The following LMTK2 variants were observed in gnomAD, a reference collection of about 807,000 sequenced individuals.
LMTK2 encodes serine/threonine-protein kinase LMTK2.
In LMTK2, 37 loss-of-function variants were observed where a neutral mutation model predicts 127.5. The observed-to-expected ratio is 0.29, with a 90% confidence interval of 0.22 to 0.38. The LOEUF (loss-of-function observed/expected upper bound fraction) is 0.38. Among genes scored for constraint, LMTK2 ranks in the 10% least tolerant of loss-of-function variants. LMTK2 has a pLI of 1.00. For synonymous variants in LMTK2, 819 were observed against 810.1 expected (o/e 1.01, Z -0.19); for missense variants, 1,694 against 1,920.3 (o/e 0.88, Z 2.20).
intron 7 of LMTK2, among the ~76,000 whole-genome samples, chr7:98,174,123 GAAA>G (rs1797240761): frequency 7.4e-6 from 1 of 134,986 alleles, no homozygotes; most frequent in South Asian, 2.3e-4. Flanking sequence ...AAAAAAAAAA[GAAA>G]AAGTAATCAT....
At chr7:98,146,386 TTTTTATTTTA>T (rs58095775) in intron 3 of LMTK2, among the ~76,000 whole-genome samples, 17 of 151,782 alleles carry the variant, frequency 1.1e-4, no homozygotes, top group African/African-American at 3.4e-4. Context: ...TCTGATAGTT[TTTTTATTTTA>T]TTTTATTTTA....
chr7:98,129,162 G>T (rs932353465), intron 1 of LMTK2, among the ~76,000 whole-genome samples: 1 of 152,058 alleles, frequency 6.6e-6, no homozygotes, highest in African/African-American at 2.4e-5. Flanking sequence ...GCACACCACT[G>T]CAGCCTTAAC....
intron 1 of LMTK2, among the ~76,000 whole-genome samples, chr7:98,109,910 T>C (rs573238970): frequency 2.6e-4 from 39 of 152,218 alleles, no homozygotes; most frequent in African/African-American, 9.2e-4. Context: ...TAATCCTGAC[T>C]AGTGAGCTCG....
At chr7:98,185,438 GTTA>G (rs1366294427) in intron 8 of LMTK2, among the ~76,000 whole-genome samples, 1 of 152,162 alleles carries the variant, frequency 6.6e-6, no homozygotes, top group East Asian at 1.9e-4. Flanking sequence ...AGCAACAGTA[GTTA>G]TTATTACCTG....
intron 1 of LMTK2, among the ~76,000 whole-genome samples, chr7:98,116,223 C>A (rs2116322086): frequency 6.6e-6 from 1 of 152,280 alleles, no homozygotes; most frequent in East Asian, 1.9e-4. Flanking sequence ...TGTCTCTTTA[C>A]CTAGTTTGCA....
chr7:98,162,043 C>T (rs922082773), intron 6 of LMTK2, among the ~76,000 whole-genome samples: 2 of 152,158 alleles, frequency 1.3e-5, no homozygotes, highest in African/African-American at 4.8e-5. Context: ...CTTCTGCATG[C>T]GTTCTTGAAA....
chr7:98,199,996 CG>C (rs1412429875), intron 11 of LMTK2, among the ~76,000 whole-genome samples: 1 of 152,106 alleles, frequency 6.6e-6, no homozygotes, highest in Admixed American at 6.6e-5. Flanking sequence ...TTTGGATTTA[CG>C]TATACCATTT....
intron 1 of LMTK2, among the ~76,000 whole-genome samples, chr7:98,115,976 C>T (rs1289834912): frequency 6.6e-6 from 1 of 152,150 alleles, no homozygotes; most frequent in African/African-American, 2.4e-5. Flanking sequence ...TCCCTGAACT[C>T]CTAGGCTCAA....
intron 5 of LMTK2, among the ~76,000 whole-genome samples, chr7:98,157,900 T>C (rs2116398848): frequency 6.6e-6 from 1 of 152,276 alleles, no homozygotes; most frequent in East Asian, 1.9e-4. Flanking sequence ...GTTACACACA[T>C]CTGTGCACGT....
intron 1 of LMTK2, among the ~76,000 whole-genome samples, chr7:98,114,434 G>A (rs1796248306): frequency 6.6e-6 from 1 of 151,820 alleles, no homozygotes; most frequent in Non-Finnish European, 1.5e-5. Context: ...CTATAGAGAT[G>A]GGATCTCACT....
intron 11 of LMTK2, among the ~76,000 whole-genome samples, chr7:98,203,122 T>C (rs772822123): frequency 5.9e-5 from 9 of 152,194 alleles, no homozygotes; most frequent in South Asian, 2.1e-4. Flanking sequence ...AAAGCTGGAA[T>C]TCCCCCTTCT....
chr7:98,137,539 AT>A, intron 2 of LMTK2, 97 bp downstream of exon 2: 7 of 1,220,882 alleles, frequency 5.7e-6, no homozygotes, highest in African/African-American at 1.5e-5. Context: ...GGATCAGCAG[AT>A]TTTTTTTCTT....
In LMTK2 at chr7:98,208,325, A is replaced by G. The variant is rs925416066; in HGVS notation, c.*2833A>G. On this transcript the variant is annotated 3_prime_UTR_variant, in exon 14 of 14. Coordinates refer to ENST00000297293, the MANE Select transcript of LMTK2 (RefSeq NM_014916.4). Reference sequence around the variant, plus strand: ...AGCAATACACAGGAAATTTAAGTAGAATAAAAATTGCAGCCCATTTTTGAA... The same window carrying G: ...AGCAATACACAGGAAATTTAAGTAGGATAAAAATTGCAGCCCATTTTTGAA... The G allele has an allele frequency of 6.6e-6, 1 of 152,164 alleles. No homozygotes were observed. The highest frequency in any genetic ancestry group is 2.4e-5 in the African/African-American group (1 of 41,434). 9.4% of individuals were successfully genotyped at this position (152,164 alleles called of 1,614,324 possible).
At chr7:98,156,621 C>T (rs1038399875) in intron 5 of LMTK2, among the ~76,000 whole-genome samples, 3 of 152,034 alleles carry the variant, frequency 2.0e-5, no homozygotes, top group African/African-American at 2.4e-5. Context: ...ACAAAACATA[C>T]GTTAAGTTAT....
intron 7 of LMTK2, among the ~76,000 whole-genome samples, chr7:98,184,037 T>G (rs1270785040): frequency 6.6e-6 from 1 of 152,016 alleles, no homozygotes; most frequent in Non-Finnish European, 1.5e-5. Flanking sequence ...GGAGTGAGAA[T>G]TTGTTTGAAA....
At chr7:98,130,467 T>C (rs1182470458) in intron 1 of LMTK2, among the ~76,000 whole-genome samples, 1 of 152,204 alleles carries the variant, frequency 6.6e-6, no homozygotes, top group Non-Finnish European at 1.5e-5. Flanking sequence ...TGTTTTCATT[T>C]AAGCATCTGT....
chr7:98,128,552 C>T lies in LMTK2; in HGVS notation c.104-8763C>T, dbSNP rs533659643. Among the ~76,000 whole-genome samples the T allele has an allele frequency of 5.1e-4, 77 of 152,344 alleles. No homozygotes were observed. The Middle Eastern group carries it at 0.01, about 20-fold the overall frequency. On this transcript the variant is annotated intron_variant, in intron 1 of 13. Coordinates refer to ENST00000297293, the MANE Select transcript of LMTK2 (RefSeq NM_014916.4). ...TTAGCAGCCCTAGCAAACTGATACG[C>T]GCAGTGTTCAGACTAAAACAAATTT...
intron 5 of LMTK2, among the ~76,000 whole-genome samples, chr7:98,158,204 A>G (rs1411870458): frequency 3.3e-5 from 5 of 152,250 alleles, no homozygotes; most frequent in Admixed American, 3.3e-4. Context: ...AAAAGAATGT[A>G]TAAGCTAGAT....
chr7:98,119,157 C>A lies in LMTK2; in HGVS notation c.103+11877C>A, dbSNP rs538421595. Among the ~76,000 whole-genome samples the A allele has an allele frequency of 3.3e-5, 5 of 151,546 alleles. No individual in the cohort carries two copies. The South Asian group carries it at 1.0e-3, about 32-fold the overall frequency. On this transcript the variant is annotated intron_variant, in intron 1 of 13. Coordinates refer to ENST00000297293, the MANE Select transcript of LMTK2 (RefSeq NM_014916.4). ...CAAACTAACCAGCTGAATCAAAATG[C>A]TGAAGGCTGGGCTGGAATCCTGCAT...
Sources: allele counts gnomAD v4.1 joint callset (sites outside exome capture counted in the v4.1 genomes callset), GRCh38; gene constraint gnomAD v4.1.1; transcripts MANE v1.5; gene names NCBI Gene and HGNC (gene_info 2026-07-23, HGNC 2026-07-21).